NAV1: variants seen among roughly 807,000 people sequenced by gnomAD.
NAV1 encodes neuron navigator 1.
NAV1 carries 18 observed loss-of-function variants against 175.2 expected under a neutral mutation model. That is an observed-to-expected ratio of 0.10 (90% CI 0.07 to 0.15). The LOEUF is 0.15. Ranked by LOEUF, NAV1 falls within the 10% of genes least tolerant of loss-of-function variation. The pLI is 1.00. For missense variants in NAV1, 1,731 were observed against 2,436.6 expected (o/e 0.71, Z 6.10); for synonymous variants, 897 against 978.7 (o/e 0.92, Z 1.56).
At chr1:201,795,846 C>T (rs1170135463) in intron 15 of NAV1, 1 of 151,090 alleles carries the variant, frequency 6.6e-6, no homozygotes, top group Non-Finnish European at 1.5e-5. Context: ...CTCCCAGGTT[C>T]AAGCAATTCT....
At chr1:201,738,526 G>A (rs958070355) in intron 3 of NAV1, among the ~76,000 whole-genome samples, 1 of 152,094 alleles carries the variant, frequency 6.6e-6, no homozygotes, top group Admixed American at 6.5e-5. Flanking sequence ...CCTGTGGGCC[G>A]AAAATAGTAG....
At chr1:201,721,657 T>G (rs1286119396) in intron 3 of NAV1, among the ~76,000 whole-genome samples, 1 of 152,216 alleles carries the variant, frequency 6.6e-6, no homozygotes, top group East Asian at 1.9e-4. Context: ...GCTTCAGCGC[T>G]TCCCTCCACA....
intron 1 of NAV1, among the ~76,000 whole-genome samples, chr1:201,706,433 C>T (rs1671672963): frequency 6.6e-6 from 1 of 152,134 alleles, no homozygotes; most frequent in Admixed American, 6.5e-5. Flanking sequence ...TGTTTCATCC[C>T]CAGCCCACAG....
intron 13 of NAV1, chr1:201,792,094 G>A (rs1677157417): frequency 6.6e-6 from 1 of 152,072 alleles, no homozygotes; most frequent in South Asian, 2.1e-4. Flanking sequence ...TTTAGAGGGT[G>A]ATTTTTCTTA....
chr1:201,786,462 G>C (rs1356676967), exon 9 of NAV1: 1 of 1,613,834 alleles, frequency 6.2e-7, no homozygotes, highest in Non-Finnish European at 8.5e-7. Context: ...AGACCAAGGA[G>C]AGGCGACATT....
exon 29 of NAV1, chr1:201,817,263 G>A: frequency 6.2e-7 from 1 of 1,614,026 alleles, no homozygotes. Flanking sequence ...AGCACCCCAA[G>A]TTCTCTGGAC....
chr1:201,552,002 C>G (rs1052594122), intron 1 of NAV1, among the ~76,000 whole-genome samples: 8 of 152,224 alleles, frequency 5.3e-5, no homozygotes, highest in African/African-American at 1.9e-4. Context: ...TCCCCACTTC[C>G]TCTTGCTGGC....
At chr1:201,820,077 A>C in exon 30 of NAV1, 1 of 768,844 alleles carries the variant, frequency 1.3e-6, no homozygotes, top group Non-Finnish European at 2.1e-6. Context: ...AAGAGGAGGG[A>C]CAGGTTCTTG....
At chr1:201,764,187 G>A (rs1055571083) in intron 3 of NAV1, among the ~76,000 whole-genome samples, 1 of 152,198 alleles carries the variant, frequency 6.6e-6, no homozygotes, top group Non-Finnish European at 1.5e-5. Flanking sequence ...TAGTTCAATG[G>A]GGGATATTGA....
At chr1:201,739,674 C>A in intron 3 of NAV1, 2 of 644,500 alleles carry the variant, frequency 3.1e-6, no homozygotes, top group Non-Finnish European at 4.0e-6. Flanking sequence ...CCCCCAGCCC[C>A]GTCGGCACCT....
exon 30 of NAV1, chr1:201,820,015 A>G (rs1234980249): frequency 7.7e-7 from 1 of 1,299,580 alleles, no homozygotes; most frequent in African/African-American, 1.5e-5. Flanking sequence ...CTCCTCTTTC[A>G]GAGCACTGGC....
intron 28 of NAV1, among the ~76,000 whole-genome samples, chr1:201,814,912 A>G (rs7521311): frequency 0.99 from 150,562 of 151,520 alleles, 74,811 homozygotes; most frequent in East Asian, 1. Context: ...GGTGGTGGGC[A>G]CCTGTAGTCC....
chr1:201,577,706 C>T (rs188031547), intron 1 of NAV1, among the ~76,000 whole-genome samples: 10 of 152,212 alleles, frequency 6.6e-5, no homozygotes, highest in Admixed American at 2.0e-4. Context: ...CTTAGTTTCT[C>T]TTCATCTGAG....
intron 1 of NAV1, among the ~76,000 whole-genome samples, chr1:201,582,066 A>C (rs1172954966): frequency 1.3e-5 from 2 of 152,226 alleles, no homozygotes; most frequent in Non-Finnish European, 2.9e-5. Flanking sequence ...ACTGCACTCC[A>C]GACTGGGTGA....
Position 201,808,853 on chromosome 1 carries a change from C to G in NAV1, c.4189C>G (p.Pro1397Ala). The G allele has an allele frequency of 6.2e-7, 1 of 1,612,336 alleles. No homozygotes were observed. Among genetic ancestry groups the G allele is most frequent in the Non-Finnish European group, 8.5e-7 (1 of 1,179,014 alleles). ...CCTGGCACTCACCCATTCCTTCGGC[C>G]CCAGTCTTGCAGACACAGGTACCTG... is the stretch of plus-strand genomic sequence containing the variant. The change falls in exon 20 of 30, where the codon CCC becomes GCC. Residue 1397 changes from proline (P) to alanine (A), a missense_variant. Around this residue, in one of 13 missense-constraint regions of NAV1, gnomAD observed 122 missense variants for 139.4 expected, o/e 0.88. Transcript: ENST00000367296. The surrounding 1 kb of genome is among the most constrained non-coding windows in gnomAD (Gnocchi z 5.5).
chr1:201,716,054 A>T (rs4146694), intron 2 of NAV1, among the ~76,000 whole-genome samples: 1 of 151,930 alleles, frequency 6.6e-6, no homozygotes. Context: ...GGAAGAGGCA[A>T]TTTTAGTACA....
At chr1:201,552,385 G>C (rs561634337) in intron 1 of NAV1, among the ~76,000 whole-genome samples, 1 of 152,146 alleles carries the variant, frequency 6.6e-6, no homozygotes, top group African/African-American at 2.4e-5. Flanking sequence ...AAGCTGAGGT[G>C]GGTAAAGGGA....
chr1:201,642,134 C>T (rs915193648), intron 2 of NAV1, among the ~76,000 whole-genome samples: 1 of 146,360 alleles, frequency 6.8e-6, no homozygotes, highest in South Asian at 2.2e-4. Context: ...TTCTCTCTTT[C>T]TTTCTTTCCT....
intron 1 of NAV1, among the ~76,000 whole-genome samples, chr1:201,690,938 C>G (rs1383448361): frequency 5.9e-5 from 9 of 152,224 alleles, no homozygotes. Context: ...TGTTAACCCT[C>G]TAGACCCTCT....
Sources: gnomAD v4.1 joint callset for allele counts (sites outside exome capture counted in the v4.1 genomes callset) on GRCh38, gnomAD v4.1.1 for gene constraint, gnomAD v4.1.1 regional missense constraint, Gnocchi (gnomAD v3.1) non-coding constraint, MANE v1.5 for transcripts, NCBI Gene and HGNC (gene_info 2026-07-23, HGNC 2026-07-21) for gene names.